Variants in ADCY9 observed in about 807,000 individuals in gnomAD.
The protein encoded by ADCY9 is adenylate cyclase 9, also known as adenylate cyclase type 9.
Under a neutral mutation model 101.5 loss-of-function variants are expected in ADCY9, and 50 were observed. The ratio of observed to expected loss-of-function variants is 0.49; its 90% confidence interval spans 0.39 to 0.62. ADCY9 has a LOEUF of 0.62. ADCY9 is among the 20% of genes least tolerant of loss of function. The pLI is 0.00. For synonymous variants in ADCY9, 905 were observed against 769.3 expected (o/e 1.18, Z -2.92); for missense variants, 1,662 against 1,800.4 (o/e 0.92, Z 1.39).
intron 2 of ADCY9, among the ~76,000 whole-genome samples, chr16:4,057,547 G>A (rs181889598): frequency 1.6e-3 from 241 of 152,138 alleles, no homozygotes; most frequent in Middle Eastern, 6.8e-3. Flanking sequence ...CTCTTTTCAC[G>A]CACTATCTCC....
At chr16:4,058,170 A>G (rs1206260004) in intron 2 of ADCY9, among the ~76,000 whole-genome samples, 1 of 149,176 alleles carries the variant, frequency 6.7e-6, no homozygotes, top group Non-Finnish European at 1.5e-5. Context: ...AAAAAAAAAA[A>G]AAGAGAGTTG....
intron 6 of ADCY9, 140 bp from the exon 7 acceptor site, chr16:3,983,580 G>A (rs1167053625): frequency 1.3e-5 from 9 of 707,338 alleles, no homozygotes; most frequent in Middle Eastern, 7.9e-4. Flanking sequence ...TCGGAGGGCT[G>A]TCTCCCTCTA....
At chr16:4,027,618 T>C (rs1459143609) in intron 2 of ADCY9, among the ~76,000 whole-genome samples, 1 of 152,152 alleles carries the variant, frequency 6.6e-6, no homozygotes, top group Non-Finnish European at 1.5e-5. Context: ...GGCTCACGCC[T>C]GTAATCCCAG....
intron 2 of ADCY9, among the ~76,000 whole-genome samples, chr16:4,063,688 G>C (rs75962117): frequency 1.8e-3 from 267 of 151,384 alleles, no homozygotes; most frequent in African/African-American, 5.9e-3. Context: ...CTCCAGCCTG[G>C]GCCACGGGGC....
chr16:4,047,794 G>A (rs898785916), intron 2 of ADCY9, among the ~76,000 whole-genome samples: 14 of 152,172 alleles, frequency 9.2e-5, no homozygotes, highest in Non-Finnish European at 2.1e-4. Context: ...CCTGACCTCA[G>A]GTGATCCGCC....
intron 5 of ADCY9, among the ~76,000 whole-genome samples, chr16:3,956,503 T>TTTTTTTTTTTTGGGG (rs55792938): frequency 2.9e-5 from 2 of 69,574 alleles, no homozygotes; most frequent in African/African-American, 4.0e-5. Flanking sequence ...TTTTTTTTTT[T>TTTTTTTTTTTTGGGG]GGGGGGGGAT....
chr16:4,072,053 C>A (rs2056838032), intron 2 of ADCY9, among the ~76,000 whole-genome samples: 1 of 152,174 alleles, frequency 6.6e-6, no homozygotes, highest in Non-Finnish European at 1.5e-5. Flanking sequence ...CTGACAGAAC[C>A]AAAGCCACTG....
At position 4,115,821 on chromosome 16, in the gene ADCY9, C is replaced by T. The variant is rs961934349; in HGVS notation, c.-175G>A. ...GCTTCTCCTCCTCGCGCGCTCGCCT[C>T]CTCCAGCTGCGGCTCCGGAGGGAAG... On this transcript the variant is annotated 5_prime_UTR_variant, in exon 1 of 11. Transcript: ENST00000294016. The surrounding 1 kb of genome is among the most constrained non-coding windows in gnomAD (Gnocchi z 6.2). 19 of 402,592 alleles carry T rather than the reference C, an allele frequency of 4.7e-5. No individual in the cohort carries two copies. Among genetic ancestry groups the T allele is most frequent in the African/African-American group, 3.3e-4 (16 of 48,540 alleles). The allele number at this position is 402,592 out of a possible 1,614,324, so 24.9% of individuals were successfully genotyped here.
chr16:3,992,405 G>A lies in ADCY9; in HGVS notation c.1990-42C>T. ...AGGACGCAGACACGGGAAGTGAAGT[G>A]GCACCGGGCACTGGGCACACACGCC... is the stretch of plus-strand genomic sequence containing the variant. On this transcript the variant is annotated intron_variant, in intron 4 of 10. Coordinates refer to ENST00000294016, the MANE Select transcript of ADCY9 (RefSeq NM_001116.4). This position sits in a 1 kb window ranked among gnomAD's most constrained non-coding sequence, Gnocchi z 4.2. The A allele has an allele frequency of 6.3e-7, 1 of 1,574,842 alleles. No individual in the cohort carries two copies. The highest frequency in any genetic ancestry group is 8.7e-7 in the Non-Finnish European group (1 of 1,149,434).
rs750903848 is a variant in ADCY9, at chr16:4,007,354, A to C, written c.1884+14T>G. ...AAGTTTTAGAAGTAGGAAAAAAAAAACAAAAAAACTAACCTTAAGGTTATC... is the reference window on the plus strand; with the variant it reads ...AAGTTTTAGAAGTAGGAAAAAAAAACCAAAAAAACTAACCTTAAGGTTATC... On this transcript the variant is annotated intron_variant, in intron 3 of 10. Coordinates refer to ENST00000294016, the MANE Select transcript of ADCY9 (RefSeq NM_001116.4). 223 of 1,525,456 alleles carry C rather than the reference A, an allele frequency of 1.5e-4. No individual in the cohort carries two copies. Among genetic ancestry groups the C allele is most frequent in the East Asian group, 7.1e-4 (31 of 43,608 alleles). The allele number at this position is 1,525,456 out of a possible 1,614,324, so 94.5% of individuals were successfully genotyped here.
In ADCY9 at chr16:4,113,022, T is replaced by C. The variant is rs142564705; in HGVS notation, c.1693+728A>G. Reference sequence around the variant, plus strand: ...AACCTGAGAGGATGAGGGAGGGGAATACCAGCTCTCCGGCAGGTACGTTTC... The same window carrying C: ...AACCTGAGAGGATGAGGGAGGGGAACACCAGCTCTCCGGCAGGTACGTTTC... On this transcript the variant is annotated intron_variant, in intron 2 of 10. Transcript: ENST00000294016. Among the ~76,000 whole-genome samples the C allele has an allele frequency of 3.3e-3, 502 of 152,146 alleles. 7 individuals carry two copies. The highest frequency in any genetic ancestry group is 0.012 in the African/African-American group (483 of 41,488).
chr16:4,030,362 A>C (rs1361967486), intron 2 of ADCY9, among the ~76,000 whole-genome samples: 3 of 152,112 alleles, frequency 2.0e-5, no homozygotes, highest in African/African-American at 4.8e-5. Context: ...AGGCAACAGG[A>C]ATGAAGCTCA....
At chr16:4,004,664 A>T in intron 3 of ADCY9, among the ~76,000 whole-genome samples, 1 of 152,232 alleles carries the variant, frequency 6.6e-6, no homozygotes, top group Non-Finnish European at 1.5e-5. Context: ...GTTATTTAAC[A>T]CTCAGTCTCT....
In ADCY9 at chr16:4,078,214, A is replaced by G. The variant is rs1375408965; in HGVS notation, c.1693+35536T>C. Reference sequence around the variant, plus strand: ...ACAGCAACTCTATTCATAATAGCCAAGAACTGCAAGCAACTCAAATATTCA... The same window carrying G: ...ACAGCAACTCTATTCATAATAGCCAGGAACTGCAAGCAACTCAAATATTCA... On this transcript the variant is annotated intron_variant, in intron 2 of 10. Transcript: ENST00000294016. Among the ~76,000 whole-genome samples the G allele has an allele frequency of 2.6e-4, 40 of 152,212 alleles. 1 individual carries two copies. The highest frequency in any genetic ancestry group is 2.6e-3 in the Admixed American group (40 of 15,286).
At chr16:4,041,789 T>C (rs1245312034) in intron 2 of ADCY9, among the ~76,000 whole-genome samples, 1 of 151,146 alleles carries the variant, frequency 6.6e-6, no homozygotes, top group East Asian at 1.9e-4. Context: ...TTTCACCGTG[T>C]TGCCCATGCT....
intron 2 of ADCY9, among the ~76,000 whole-genome samples, chr16:4,044,386 A>G (rs1201426719): frequency 6.6e-6 from 1 of 152,100 alleles, no homozygotes; most frequent in Non-Finnish European, 1.5e-5. Flanking sequence ...AAAAAATTCT[A>G]AAACACTAGG....
chr16:3,993,412 G>T lies in ADCY9; in HGVS notation c.1983C>A (p.Ser661Arg). 2 of 1,614,026 alleles carry T rather than the reference G, an allele frequency of 1.2e-6. No individual in the cohort carries two copies. Among genetic ancestry groups the T allele is most frequent in the African/African-American group, 2.7e-5 (2 of 75,068 alleles). The change falls in exon 4 of 11, where the codon AGC (serine) becomes AGA (arginine). Residue 661 changes from serine (S) to arginine (R), a missense_variant. Transcript: ENST00000294016. ...QNGCQDEHKN[S>R]TKASGGPNPK... ...ACAGCCATGAGCTTGTTACCTTGGT[G>T]CTGTTTTTATGCTCGTCTTGGCAGC...
At position 4,066,853 on chromosome 16, in the gene ADCY9, G is replaced by A. The variant is rs947636473; in HGVS notation, c.1693+46897C>T. 6.6e-5 allele frequency among the ~76,000 whole-genome samples: 10 copies of A among 152,264 alleles called. No individual in the cohort carries two copies. In the East Asian group the frequency reaches 9.6e-4, roughly 15 times the overall value. ...GCTATTAGAATTTCAAAACTGCCCA[G>A]TTAAACATAACCTGGTTCATCCCAA... is the stretch of plus-strand genomic sequence containing the variant. On this transcript the variant is annotated intron_variant, in intron 2 of 10. Coordinates refer to ENST00000294016, the MANE Select transcript of ADCY9 (RefSeq NM_001116.4).
intron 10 of ADCY9, 138 bp from the exon 11 acceptor site, chr16:3,967,104 T>C (rs1597132437): frequency 1.5e-6 from 1 of 689,152 alleles, no homozygotes; most frequent in East Asian, 2.7e-5. Flanking sequence ...CATTCCTGGT[T>C]TGGGCTGGCT....
Sources: allele counts gnomAD v4.1 joint callset (sites outside exome capture counted in the v4.1 genomes callset), GRCh38; gene constraint gnomAD v4.1.1; non-coding constraint Gnocchi (gnomAD v3.1); transcripts MANE v1.5; gene names NCBI Gene and HGNC (gene_info 2026-07-23, HGNC 2026-07-21).